Variants in ATP8A2 observed in about 807,000 individuals in gnomAD.
ATP8A2 encodes the protein ATPase phospholipid transporting 8A2, also known as phospholipid-transporting ATPase IB.
A neutral mutation model predicts 165.6 loss-of-function variants in ATP8A2; 100 were observed. The observed-to-expected ratio is 0.60, with a 90% CI of 0.51 to 0.71. The LOEUF is 0.71. Ranked by LOEUF, ATP8A2 falls within the 30% of genes least tolerant of loss-of-function variation. The pLI is 0.00. For missense variants in ATP8A2, 1,227 were observed against 1,479.5 expected (o/e 0.83, Z 2.80); for synonymous variants, 543 against 548.8 (o/e 0.99, Z 0.15).
chr13:25,509,402 C>G (rs1291006350), intron 2 of ATP8A2, among the ~76,000 whole-genome samples: 1 of 152,028 alleles, frequency 6.6e-6, no homozygotes, highest in African/African-American at 2.4e-5. Context: ...ATTATCTGTT[C>G]TTTCTATACA....
intron 24 of ATP8A2, among the ~76,000 whole-genome samples, chr13:25,693,340 G>A (rs2042767966): frequency 6.6e-6 from 1 of 152,198 alleles, no homozygotes; most frequent in African/African-American, 2.4e-5. Context: ...ACATGTGTGT[G>A]GTGAACCCAG....
At chr13:25,968,530 C>T in intron 34 of ATP8A2, 45 bp from the exon 35 acceptor site, 1 of 1,550,976 alleles carries the variant, frequency 6.4e-7, no homozygotes, top group Non-Finnish European at 8.8e-7. Flanking sequence ...CCAGCTGTGT[C>T]AAGTCTCTAT....
chr13:25,987,919 T>A (rs1956304064), intron 35 of ATP8A2, among the ~76,000 whole-genome samples: 1 of 152,242 alleles, frequency 6.6e-6, no homozygotes, highest in Non-Finnish European at 1.5e-5. Flanking sequence ...GTGTGGCTGA[T>A]TTGCAGATCC....
intron 33 of ATP8A2, among the ~76,000 whole-genome samples, chr13:25,942,547 C>T (rs1049621721): frequency 6.6e-6 from 1 of 152,256 alleles, no homozygotes; most frequent in Middle Eastern, 3.4e-3. Context: ...CTCAGCCTCT[C>T]GAGTAGCTGG....
At chr13:25,612,402 T>G (rs1340558462) in intron 24 of ATP8A2, among the ~76,000 whole-genome samples, 1 of 152,202 alleles carries the variant, frequency 6.6e-6, no homozygotes, top group African/African-American at 2.4e-5. Context: ...CCAATGATCA[T>G]TCAGTAGCAG....
At chr13:25,700,919 T>A (rs1041477025) in intron 25 of ATP8A2, among the ~76,000 whole-genome samples, 3 of 152,242 alleles carry the variant, frequency 2.0e-5, no homozygotes, top group Non-Finnish European at 4.4e-5. Flanking sequence ...CGCATTGTCC[T>A]TTTGGTTTGA....
At chr13:25,769,349 T>C in intron 26 of ATP8A2, 120 bp downstream of exon 26, 1 of 968,270 alleles carries the variant, frequency 1.0e-6, no homozygotes, top group Non-Finnish European at 1.5e-6. Flanking sequence ...GAGGTTGCTG[T>C]CTAGATGAAA....
At chr13:25,389,748 A>G (rs764994581) in intron 1 of ATP8A2, among the ~76,000 whole-genome samples, 4 of 152,224 alleles carry the variant, frequency 2.6e-5, no homozygotes, top group Non-Finnish European at 4.4e-5. Context: ...AAGGATGCAT[A>G]ATACTCCATA....
intron 36 of ATP8A2, 131 bp from the exon 37 acceptor site, chr13:26,019,757 C>G: frequency 1.6e-6 from 1 of 630,426 alleles, no homozygotes; most frequent in African/African-American, 1.8e-5. Flanking sequence ...CAAGCCTCCA[C>G]CTATCCAAGG....
chr13:26,009,789 A>T lies in ATP8A2; in HGVS notation c.3378-2742A>T, dbSNP rs542860481. ...TTAAATAATATCTCATTATAGGCTGAGCACAGTGGCTCATGCCTGTAATGC... is the reference window on the plus strand; with the variant it reads ...TTAAATAATATCTCATTATAGGCTGTGCACAGTGGCTCATGCCTGTAATGC... On this transcript the variant is annotated intron_variant, in intron 35 of 36. Transcript: ENST00000381655. Among the ~76,000 whole-genome samples, 3 of 152,290 alleles carry T rather than the reference A, an allele frequency of 2.0e-5. No individual in the cohort carries two copies. The East Asian group carries it at 5.8e-4, about 29-fold the overall frequency.
At chr13:25,490,781 G>T (rs2036506958) in intron 2 of ATP8A2, among the ~76,000 whole-genome samples, 1 of 151,016 alleles carries the variant, frequency 6.6e-6, no homozygotes, top group African/African-American at 2.4e-5. Flanking sequence ...TTTTTGGAGA[G>T]GAGGTCTTAC....
At chr13:25,843,289 T>C (rs780747055) in intron 30 of ATP8A2, among the ~76,000 whole-genome samples, 9 of 152,122 alleles carry the variant, frequency 5.9e-5, no homozygotes, top group African/African-American at 9.7e-5. Flanking sequence ...GACTCTGAAC[T>C]CTGTCAGCCT....
intron 33 of ATP8A2, among the ~76,000 whole-genome samples, chr13:25,911,319 A>G (rs1475229966): frequency 6.6e-6 from 1 of 152,192 alleles, no homozygotes; most frequent in Non-Finnish European, 1.5e-5. Context: ...TCAATGGGAT[A>G]ATTGACCCTC....
At chr13:25,671,489 C>G (rs1238912254) in intron 24 of ATP8A2, among the ~76,000 whole-genome samples, 2 of 152,202 alleles carry the variant, frequency 1.3e-5, no homozygotes, top group Non-Finnish European at 2.9e-5. Context: ...TCGCTGAATT[C>G]TTTTTCTCAG....
At chr13:25,977,046 C>CA (rs1555299961) in intron 35 of ATP8A2, among the ~76,000 whole-genome samples, 2 of 145,692 alleles carry the variant, frequency 1.4e-5, no homozygotes, top group Non-Finnish European at 1.5e-5. Context: ...CCCCCACCCC[C>CA]CTTCCCTGCC....
intron 25 of ATP8A2, among the ~76,000 whole-genome samples, chr13:25,762,774 T>C (rs2044409691): frequency 6.6e-6 from 1 of 152,188 alleles, no homozygotes; most frequent in African/African-American, 2.4e-5. Context: ...TCTCTGTCCT[T>C]GTGAAGGTTA....
chr13:25,670,458 G>A (rs1460002646), intron 24 of ATP8A2, among the ~76,000 whole-genome samples: 1 of 152,064 alleles, frequency 6.6e-6, no homozygotes, highest in African/African-American at 2.4e-5. Context: ...TTCCCTCTCT[G>A]AATTTCCTGG....
chr13:25,570,230 G>A (rs190201160), intron 16 of ATP8A2, among the ~76,000 whole-genome samples: 152 of 152,272 alleles, frequency 1.0e-3, no homozygotes, highest in South Asian at 2.1e-4. Flanking sequence ...TGGGGAATGG[G>A]AGCCTGGAGA....
rs1566361505 is a variant in ATP8A2, at chr13:26,022,166, G to A, written c.*2181G>A. 1.3e-5 allele frequency: 2 copies of A among 152,274 alleles called. No homozygotes were observed. Among genetic ancestry groups the A allele is most frequent in the East Asian group, 3.9e-4 (2 of 5,180 alleles). The allele number at this position is 152,274 out of a possible 1,614,324, so 9.4% of individuals were successfully genotyped here. On this transcript the variant is annotated 3_prime_UTR_variant, in exon 37 of 37. Transcript: ENST00000381655. Reference sequence around the variant, plus strand: ...GCCTATGACTAACACGACAAACCAAGGTGTATGGTTTCTTTGCACACCCAG... The same window carrying A: ...GCCTATGACTAACACGACAAACCAAAGTGTATGGTTTCTTTGCACACCCAG...
Sources: gnomAD v4.1 joint callset for allele counts (sites outside exome capture counted in the v4.1 genomes callset) on GRCh38, gnomAD v4.1.1 for gene constraint, MANE v1.5 for transcripts, NCBI Gene and HGNC (gene_info 2026-07-23, HGNC 2026-07-21) for gene names.